Variants in HS3ST2 observed in about 807,000 individuals in gnomAD.
HS3ST2 encodes the protein heparan sulfate glucosamine 3-O-sulfotransferase 2.
Under a neutral mutation model 26.3 loss-of-function variants are expected in HS3ST2, and 17 were observed. The observed-to-expected ratio is 0.65, with a 90% confidence interval of 0.44 to 0.97. The LOEUF (loss-of-function observed/expected upper bound fraction) is 0.97. HS3ST2 is among the 50% of genes least tolerant of loss of function. HS3ST2 has a pLI of 0.00. For synonymous variants in HS3ST2, 237 were observed against 219.2 expected (o/e 1.08, Z -0.72); for missense variants, 402 against 501.2 (o/e 0.80, Z 1.89).
intron 1 of HS3ST2, chr16:22,833,166 C>T (rs929778931): frequency 1.5e-5 from 7 of 453,590 alleles, no homozygotes; most frequent in Non-Finnish European, 3.1e-5. Context: ...AGAGAGTAGC[C>T]ATTAAAACCT....
intron 1 of HS3ST2, among the ~76,000 whole-genome samples, chr16:22,822,217 A>C (rs765391601): frequency 5.3e-5 from 8 of 152,018 alleles, no homozygotes; most frequent in Non-Finnish European, 1.0e-4. Context: ...TTTGAGACTC[A>C]TGCAGTGGCA....
At chr16:22,865,803 G>A (rs1901741991) in intron 1 of HS3ST2, among the ~76,000 whole-genome samples, 2 of 152,130 alleles carry the variant, frequency 1.3e-5, no homozygotes, top group African/African-American at 2.4e-5. Context: ...AGAGAATTTA[G>A]GGAGGCAAGG....
chr16:22,818,635 C>G (rs1277636037), intron 1 of HS3ST2, among the ~76,000 whole-genome samples: 1 of 151,428 alleles, frequency 6.6e-6, no homozygotes, highest in Non-Finnish European at 1.5e-5. Context: ...CTCCTTCCCT[C>G]TCTCCCCTTT....
chr16:22,890,564 T>C (rs1902114337), intron 1 of HS3ST2, among the ~76,000 whole-genome samples: 1 of 152,240 alleles, frequency 6.6e-6, no homozygotes, highest in Admixed American at 6.5e-5. Context: ...TATCTTTGTT[T>C]TGTCAAACTT....
chr16:22,878,275 A>C (rs1901945304), intron 1 of HS3ST2, among the ~76,000 whole-genome samples: 1 of 152,196 alleles, frequency 6.6e-6, no homozygotes, highest in Admixed American at 6.5e-5. Context: ...TCAACTTTTT[A>C]ACAGTGCAGG....
At chr16:22,816,423 C>T (rs72770536) in intron 1 of HS3ST2, among the ~76,000 whole-genome samples, 2,526 of 152,294 alleles carry the variant, frequency 0.017, 30 homozygotes, top group East Asian at 0.046. Context: ...GTAGGGGGAC[C>T]GCAGGCCTGA....
At chr16:22,816,009 GGGA>G (rs1259497081) in intron 1 of HS3ST2, among the ~76,000 whole-genome samples, 2 of 152,228 alleles carry the variant, frequency 1.3e-5, no homozygotes, top group African/African-American at 4.8e-5. Context: ...ATGCATGCCA[GGGA>G]GGAGAATTAT....
rs140511161 is a variant in HS3ST2, at chr16:22,850,090, A to G, written c.485+34995A>G. 4.4e-3 allele frequency among the ~76,000 whole-genome samples: 671 copies of G among 152,342 alleles called. 6 individuals carry two copies. The highest frequency in any genetic ancestry group is 5.5e-3 in the Non-Finnish European group (371 of 68,026). ...TAACAATTTTTTTAGTATAAAAAAC[A>G]TTCATTGTTTATCTGACATTTACAT... is the stretch of plus-strand genomic sequence containing the variant. On this transcript the variant is annotated intron_variant, in intron 1 of 1. Coordinates refer to ENST00000261374, the MANE Select transcript of HS3ST2 (RefSeq NM_006043.2).
chr16:22,828,277 G>A (rs1339576238), intron 1 of HS3ST2, among the ~76,000 whole-genome samples: 3 of 152,152 alleles, frequency 2.0e-5, no homozygotes, highest in African/African-American at 7.2e-5. Flanking sequence ...AACCTCTTGA[G>A]ATCTGTTAAA....
chr16:22,910,630 T>A (rs1902414006), intron 1 of HS3ST2, among the ~76,000 whole-genome samples: 1 of 152,364 alleles, frequency 6.6e-6, no homozygotes, highest in South Asian at 2.1e-4. Flanking sequence ...TACTCAATAC[T>A]AACAAATGCT....
chr16:22,907,458 G>T (rs1285273582), intron 1 of HS3ST2, among the ~76,000 whole-genome samples: 1 of 152,186 alleles, frequency 6.6e-6, no homozygotes, highest in Non-Finnish European at 1.5e-5. Flanking sequence ...AGAAATCTGT[G>T]GTCTGAGGAA....
intron 1 of HS3ST2, among the ~76,000 whole-genome samples, chr16:22,877,535 A>C (rs941118347): frequency 2.6e-5 from 4 of 152,150 alleles, no homozygotes; most frequent in African/African-American, 9.7e-5. Flanking sequence ...TGAGATTCTC[A>C]CTTGGACAGA....
intron 1 of HS3ST2, among the ~76,000 whole-genome samples, chr16:22,883,850 G>T (rs1158367278): frequency 6.6e-6 from 1 of 152,140 alleles, no homozygotes; most frequent in Non-Finnish European, 1.5e-5. Context: ...TCTTAAACTT[G>T]ACTTTGGGAT....
chr16:22,839,490 C>A (rs529706479), intron 1 of HS3ST2, among the ~76,000 whole-genome samples: 1 of 152,338 alleles, frequency 6.6e-6, no homozygotes, highest in South Asian at 2.1e-4. Flanking sequence ...AGCAGCATTT[C>A]ACAACGTTTT....
chr16:22,841,872 A>C (rs961835903), intron 1 of HS3ST2, among the ~76,000 whole-genome samples: 1 of 152,140 alleles, frequency 6.6e-6, no homozygotes. Context: ...CATTTAGCTC[A>C]GTATGGAATT....
chr16:22,846,701 C>T (rs989286316), intron 1 of HS3ST2, among the ~76,000 whole-genome samples: 1 of 152,092 alleles, frequency 6.6e-6, no homozygotes, highest in African/African-American at 2.4e-5. Context: ...AGGGCAATTC[C>T]AAAGAGCAAT....
chr16:22,879,435 G>T (rs1901959475), intron 1 of HS3ST2, among the ~76,000 whole-genome samples: 1 of 152,152 alleles, frequency 6.6e-6, no homozygotes, highest in African/African-American at 2.4e-5. Flanking sequence ...CTGTGTTCTT[G>T]CCAGGTGTTC....
intron 1 of HS3ST2, among the ~76,000 whole-genome samples, chr16:22,873,149 G>A (rs1413571692): frequency 6.6e-6 from 1 of 152,224 alleles, no homozygotes; most frequent in East Asian, 1.9e-4. Flanking sequence ...GTGTCTGCTG[G>A]AAGAGGAATC....
chr16:22,910,932 T>TTGAG (rs1293353881), intron 1 of HS3ST2, among the ~76,000 whole-genome samples: 3 of 151,522 alleles, frequency 2.0e-5, no homozygotes, highest in Non-Finnish European at 4.4e-5. Context: ...GTTGAAGGAG[T>TTGAG]TGAGGTGTTA....
Sources: allele counts gnomAD v4.1 joint callset (sites outside exome capture counted in the v4.1 genomes callset), GRCh38; gene constraint gnomAD v4.1.1; transcripts MANE v1.5; gene names NCBI Gene and HGNC (gene_info 2026-07-23, HGNC 2026-07-21).